FOXN3: variants seen among roughly 807,000 people sequenced by gnomAD.
The protein encoded by FOXN3 is forkhead box N3.
Under a neutral mutation model 38.4 loss-of-function variants are expected in FOXN3, and 7 were observed. That is an observed-to-expected ratio of 0.18 (90% CI 0.10 to 0.34). The LOEUF is 0.34. FOXN3 is among the 10% of genes least tolerant of loss of function. The pLI is 1.00. For synonymous variants in FOXN3, 230 were observed against 242.2 expected, an observed-to-expected ratio of 0.95 and a Z score of 0.47; for missense variants, 456 against 613.4, an observed-to-expected ratio of 0.74 and a Z score of 2.71.
At chr14:89,345,800 G>C (rs145871862) in intron 3 of FOXN3, among the ~76,000 whole-genome samples, 4 of 152,256 alleles carry the variant, frequency 2.6e-5, no homozygotes, top group African/African-American at 9.6e-5. Flanking sequence ...GCTCACGCCT[G>C]TAATCCCACT....
intron 1 of FOXN3, among the ~76,000 whole-genome samples, chr14:89,555,512 T>C (rs1026571682): frequency 2.0e-5 from 3 of 152,178 alleles, no homozygotes; most frequent in African/African-American, 7.2e-5. Flanking sequence ...ATAAGCATCT[T>C]GTCATATGCT....
At chr14:89,286,587 C>G (rs1426166676) in intron 3 of FOXN3, among the ~76,000 whole-genome samples, 1 of 152,184 alleles carries the variant, frequency 6.6e-6, no homozygotes, top group Non-Finnish European at 1.5e-5. Flanking sequence ...AGGAATAAAA[C>G]AGTCAACGCA....
intron 4 of FOXN3, among the ~76,000 whole-genome samples, chr14:89,252,935 G>A (rs1363376246): frequency 6.6e-6 from 1 of 152,172 alleles, no homozygotes; most frequent in African/African-American, 2.4e-5. Context: ...ATTCAGGACT[G>A]CAGGAACCAA....
intron 1 of FOXN3, among the ~76,000 whole-genome samples, chr14:89,424,307 A>C (rs1183397803): frequency 2.0e-5 from 3 of 152,220 alleles, no homozygotes; most frequent in Admixed American, 6.5e-5. Flanking sequence ...GTAAGAGTTT[A>C]GGGGAAAATG....
chr14:89,453,705 T>G (rs1892666197), intron 1 of FOXN3, among the ~76,000 whole-genome samples: 1 of 151,900 alleles, frequency 6.6e-6, no homozygotes, highest in Non-Finnish European at 1.5e-5. Context: ...TGCAATGTAG[T>G]GAGGAAGTGA....
intron 1 of FOXN3, among the ~76,000 whole-genome samples, chr14:89,451,725 G>A (rs1359891379): frequency 6.6e-6 from 1 of 152,044 alleles, no homozygotes; most frequent in East Asian, 1.9e-4. Context: ...TTTTATCTTC[G>A]ACTGTATTCG....
At chr14:89,427,004 G>A (rs1044520283) in intron 1 of FOXN3, among the ~76,000 whole-genome samples, 3 of 152,022 alleles carry the variant, frequency 2.0e-5, no homozygotes, top group South Asian at 2.1e-4. Flanking sequence ...AACCGAGGCG[G>A]GTGGATCACT....
At chr14:89,390,307 C>CTA (rs1425569167) in intron 2 of FOXN3, among the ~76,000 whole-genome samples, 352 of 124,002 alleles carry the variant, frequency 2.8e-3, no homozygotes, top group Non-Finnish European at 4.3e-3. Flanking sequence ...CTCTCTCTCT[C>CTA]TCTCTCTATA....
In FOXN3 at chr14:89,309,929, C is replaced by G. The variant is rs537285121; in HGVS notation, c.681-28915G>C. On this transcript the variant is annotated intron_variant, in intron 3 of 5. Coordinates refer to ENST00000557258, the MANE Select transcript of FOXN3 (RefSeq NM_005197.4). ...ACCAAGACTGGGCAAGCCCAGATCT[C>G]TAAAAACAGGTCTGTATCTAAGCCT... is the stretch of plus-strand genomic sequence containing the variant. Among the ~76,000 whole-genome samples, 84 of 152,354 alleles carry G rather than the reference C, an allele frequency of 5.5e-4. No homozygotes were observed. The South Asian group carries it at 0.012, about 22-fold the overall frequency.
In FOXN3 at chr14:89,335,809, A is replaced by T. The variant is rs76244772; in HGVS notation, c.680+14863T>A. 7.2e-5 allele frequency among the ~76,000 whole-genome samples: 11 copies of T among 152,218 alleles called. No homozygotes were observed. The South Asian group carries it at 8.3e-4, about 11-fold the overall frequency. Reference sequence around the variant, plus strand: ...TGCTCTAACAACAATAATTTTTTTTAAAAAAACTAAATTCAAAAGATGGTG... The same window carrying T: ...TGCTCTAACAACAATAATTTTTTTTTAAAAAACTAAATTCAAAAGATGGTG... On this transcript the variant is annotated intron_variant, in intron 3 of 5. Transcript: ENST00000557258.
At chr14:89,432,779 G>A (rs1052569666) in intron 1 of FOXN3, among the ~76,000 whole-genome samples, 17 of 152,088 alleles carry the variant, frequency 1.1e-4, no homozygotes, top group Admixed American at 1.1e-3. Flanking sequence ...TTTTTGGGAG[G>A]GAGTTTTTGT....
rs971289392 is a variant in FOXN3 at position 89,391,677 on chromosome 14, C to T, written c.543+20257G>A. Among the ~76,000 whole-genome samples the T allele has an allele frequency of 7.2e-5, 11 of 152,260 alleles. No individual in the cohort carries two copies. The South Asian group carries it at 1.5e-3, about 20-fold the overall frequency. On this transcript the variant is annotated intron_variant, in intron 2 of 5. Transcript: ENST00000557258. Reference sequence around the variant, plus strand: ...ATACAGCCTGGTTGGTTGGTGCCACCGTGCTCTCTGCTTGCAGGCTATGTA... The same window carrying T: ...ATACAGCCTGGTTGGTTGGTGCCACTGTGCTCTCTGCTTGCAGGCTATGTA...
At chr14:89,439,817 G>A (rs913074418) in intron 1 of FOXN3, among the ~76,000 whole-genome samples, 4 of 133,296 alleles carry the variant, frequency 3.0e-5, no homozygotes, top group Admixed American at 7.0e-5. Context: ...CACCACGCCC[G>A]GCTAATTTTT....
chr14:89,504,510 GTT>G (rs1415198308), intron 1 of FOXN3, among the ~76,000 whole-genome samples: 1 of 152,130 alleles, frequency 6.6e-6, no homozygotes, highest in East Asian at 1.9e-4. Flanking sequence ...ATCTGCCCCA[GTT>G]TGTGTAGAGC....
intron 2 of FOXN3, among the ~76,000 whole-genome samples, chr14:89,403,969 C>T (rs1891317831): frequency 6.6e-6 from 1 of 152,204 alleles, no homozygotes; most frequent in African/African-American, 2.4e-5. Context: ...AGAGAAGTTC[C>T]ACTAGTGAGA....
At chr14:89,441,925 T>TA (rs1360253059) in intron 1 of FOXN3, among the ~76,000 whole-genome samples, 2 of 141,206 alleles carry the variant, frequency 1.4e-5, no homozygotes, top group Non-Finnish European at 1.5e-5. Context: ...CGGCTGACTT[T>TA]TTTTTTTTTT....
At position 89,183,187 on chromosome 14, in the gene FOXN3, G is replaced by A. The variant is rs555973261; in HGVS notation, c.746-2381C>T. On this transcript the variant is annotated intron_variant, in intron 4 of 5. Transcript: ENST00000557258. ...GAGGGTTTCCATAATTGTGGTGTAC[G>A]GCAGTCTCCTAGAAATGGTCAGATA... Among the ~76,000 whole-genome samples, 7 of 152,176 alleles carry A rather than the reference G, an allele frequency of 4.6e-5. No homozygotes were observed. In the South Asian group the frequency reaches 1.2e-3, roughly 27 times the overall value.
intron 1 of FOXN3, among the ~76,000 whole-genome samples, chr14:89,462,938 C>G (rs1266948878): frequency 6.6e-6 from 1 of 150,474 alleles, no homozygotes; most frequent in Non-Finnish European, 1.5e-5. Context: ...CCCATCTTGG[C>G]CTCCCAAAGT....
At chr14:89,192,205 A>C (rs981993908) in intron 4 of FOXN3, among the ~76,000 whole-genome samples, 4 of 146,948 alleles carry the variant, frequency 2.7e-5, no homozygotes, top group Non-Finnish European at 3.0e-5. Context: ...ATGCACATTA[A>C]ATATGTATAT....
Sources: gnomAD v4.1 joint callset for allele counts (sites outside exome capture counted in the v4.1 genomes callset) on GRCh38, gnomAD v4.1.1 for gene constraint, MANE v1.5 for transcripts, NCBI Gene and HGNC (gene_info 2026-07-23, HGNC 2026-07-21) for gene names.